The following REXO5 variants were observed in gnomAD, a reference collection of about 807,000 sequenced individuals.
REXO5 encodes exonuclease NEF-sp.
A neutral mutation model predicts 88.5 loss-of-function variants in REXO5; 48 were observed. The ratio of observed to expected loss-of-function variants is 0.54; its 90% CI spans 0.43 to 0.69. The LOEUF (loss-of-function observed/expected upper bound fraction) is 0.69. REXO5 is among the 30% of genes least tolerant of loss of function. REXO5 has a pLI of 0.00. For missense variants in REXO5, 749 were observed against 912.2 expected, an observed-to-expected ratio of 0.82 and a Z score of 2.30; for synonymous variants, 311 against 336.5, an observed-to-expected ratio of 0.92 and a Z score of 0.83.
In REXO5 at chr16:20,824,475, G is replaced by A. The variant is rs781706789; in HGVS notation, c.653G>A (p.Cys218Tyr). The change falls in exon 7 of 20, where the codon TGT becomes TAT. Residue 218 changes from cysteine to tyrosine, a missense_variant. By Grantham distance (194) the Cys-to-Tyr change is radical (BLOSUM62 -2). Transcript: ENST00000261377. ...TGTGAAAACTTTTTACTTACCAAAT[G>A]TAATGGTTCTATAGCAGACAATAGT... is the stretch of plus-strand genomic sequence containing the variant. The part of the protein sequence containing the change: ...PDCENFLLTK[C>Y]NGSIADNSPL... 2.5e-6 allele frequency: 4 copies of A among 1,611,288 alleles called. No individual in the cohort carries two copies. The highest frequency in any genetic ancestry group is 2.2e-5 in the East Asian group (1 of 44,822).
chr16:20,831,735 T>C (rs2081347903), intron 11 of REXO5, among the ~76,000 whole-genome samples: 1 of 152,050 alleles, frequency 6.6e-6, no homozygotes, highest in South Asian at 2.1e-4. Context: ...ATAAATAGTC[T>C]TTTTAAAAAA....
Position 20,844,644 on chromosome 16 carries a change from A to G in REXO5, c.1735A>G (p.Thr579Ala), listed in dbSNP as rs1411885607. The change falls in exon 17 of 20, where the codon ACA becomes GCA. Residue 579 changes from threonine (T) to alanine (A), a missense_variant. Thr to Ala is a moderately conservative substitution (Grantham distance 58, BLOSUM62 0). Transcript: ENST00000261377. ...CCTTGGTTAGGTGCAGAGGCCTGTG[A>G]CAGAGCTCACGCTTGATTGTGACAC... ...GICIKVQRPVTELTLDCDTLV... is the reference protein window; with the variant it reads ...GICIKVQRPVAELTLDCDTLV... 1 of 1,614,170 alleles carries G rather than the reference A, an allele frequency of 6.2e-7. No homozygotes were observed. The highest frequency in any genetic ancestry group is 8.5e-7 in the Non-Finnish European group (1 of 1,180,030).
At chr16:20,808,252 GATTATCCC>G (rs1473263262) in intron 2 of REXO5, among the ~76,000 whole-genome samples, 1 of 152,202 alleles carries the variant, frequency 6.6e-6, no homozygotes, top group Non-Finnish European at 1.5e-5. Flanking sequence ...TAAAAAGGCT[GATTATCCC>G]TATCATCCTT....
chr16:20,806,897 G>GC, intron 1 of REXO5, 55 bp from the exon 2 acceptor site: 1 of 1,531,428 alleles, frequency 6.5e-7, no homozygotes. Context: ...GAGGCGGCAC[G>GC]CGGGGGAATA....
At chr16:20,824,554 T>G (rs1394505497) in intron 7 of REXO5, 27 bp downstream of exon 7, 3 of 1,401,066 alleles carry the variant, frequency 2.1e-6, no homozygotes, top group East Asian at 2.3e-5. Context: ...ATTTTTCAAT[T>G]GGAGTGTTGC....
chr16:20,825,701 A>G (rs1017483950), intron 7 of REXO5, 132 bp from the exon 8 acceptor site: 11 of 634,958 alleles, frequency 1.7e-5, no homozygotes, highest in Admixed American at 2.8e-5. Context: ...TAGATCCTCT[A>G]GAAAGCAAGT....
At chr16:20,841,558 T>TAAGTGC (rs1447318635) in intron 15 of REXO5, among the ~76,000 whole-genome samples, 1 of 152,236 alleles carries the variant, frequency 6.6e-6, no homozygotes, top group Non-Finnish European at 1.5e-5. Context: ...TAAAGTGATC[T>TAAGTGC]AAGTGCAGGA....
rs957918474 is a variant in REXO5, at chr16:20,821,831, C to G, written c.545C>G (p.Ser182Cys). The G allele has an allele frequency of 1.3e-5, 21 of 1,608,080 alleles. No individual in the cohort carries two copies. The highest frequency in any genetic ancestry group is 1.4e-5 in the Non-Finnish European group (17 of 1,178,276). Residue 182 changes from serine (S) to cysteine (C), a missense_variant, in exon 6 of 20, where the codon TCT becomes TGT. Transcript: ENST00000261377. ...GATCCCATCATTCAAAAGTATGGCT[C>G]TAAGAAAGTGGGCTTGACCAGATGC... ...QDDPIIQKYG[S>C]KKVGLTRCLL... is the part of the protein sequence containing the mutation.
intron 5 of REXO5, among the ~76,000 whole-genome samples, chr16:20,819,481 C>T (rs1463361189): frequency 5.9e-5 from 8 of 135,130 alleles, no homozygotes; most frequent in East Asian, 2.1e-4. Context: ...TTAGGCTGGG[C>T]GCAGTGGCTC....
rs1244388560 is a variant in REXO5 at position 20,814,967 on chromosome 16, G to C, written c.292G>C (p.Val98Leu). Residue 98 changes from valine (V) to leucine (L), a missense_variant, in exon 4 of 20, where the codon GTG (valine) becomes CTG (leucine). Transcript: ENST00000261377. ...TCATCAAAACCACCTAAACAACGTA[G>C]TGGTTTTTGTTCTGCAGGGAATGAG... The part of the protein sequence containing the change: ...LFHQNHLNNV[V>L]VFVLQGMSQL... 6.2e-7 allele frequency: 1 copy of C among 1,613,648 alleles called. No individual in the cohort carries two copies. Among genetic ancestry groups the C allele is most frequent in the Admixed American group, 1.7e-5 (1 of 59,946 alleles).
chr16:20,821,808 T>C lies in REXO5; in HGVS notation c.522T>C (p.Asp174=), dbSNP rs2081189841. 6.2e-7 allele frequency: 1 copy of C among 1,607,548 alleles called. No individual in the cohort carries two copies. The highest frequency in any genetic ancestry group is 1.1e-5 in the South Asian group (1 of 89,640). ...NAKAAINLQD[D]PIIQKYGSKK... Reference sequence around the variant, plus strand: ...AAGCCGCCATCAACCTTCAGGATGATCCCATCATTCAAAAGTATGGCTCTA... The same window carrying C: ...AAGCCGCCATCAACCTTCAGGATGACCCCATCATTCAAAAGTATGGCTCTA... Residue 174 remains aspartate (D), a synonymous_variant, in exon 6 of 20, where the codon GAT becomes GAC. Coordinates refer to ENST00000261377, the MANE Select transcript of REXO5 (RefSeq NM_030941.3).
At chr16:20,827,711 A>G (rs1023333254) in intron 10 of REXO5, among the ~76,000 whole-genome samples, 2 of 152,236 alleles carry the variant, frequency 1.3e-5, no homozygotes, top group East Asian at 1.9e-4. Flanking sequence ...CTATATGCCT[A>G]TACAAGGTAG....
rs768829370 is a variant in REXO5, at chr16:20,827,200, A to G, written c.960+4A>G. 2.5e-6 allele frequency: 4 copies of G among 1,614,082 alleles called. No homozygotes were observed. The Admixed American group carries it at 5.0e-5, about 20-fold the overall frequency. ...TTTGGATCTCAGAGCACTGAAAGTG[A>G]GTATCTGATTTAGGACTTTGCATTT... On this transcript the variant is annotated splice_donor_region_variant and intron_variant, in intron 9 of 19. Coordinates refer to ENST00000261377, the MANE Select transcript of REXO5 (RefSeq NM_030941.3).
rs540524932 is a variant in REXO5, at chr16:20,818,478, C to T, written c.475+2266C>T. ...TATCTTAATTCAGATGCTGTAACAACTTCTTTTTGAAACAGAGTCTCGCTC... is the reference window on the plus strand; with the variant it reads ...TATCTTAATTCAGATGCTGTAACAATTTCTTTTTGAAACAGAGTCTCGCTC... On this transcript the variant is annotated intron_variant, in intron 5 of 19. Coordinates refer to ENST00000261377, the MANE Select transcript of REXO5 (RefSeq NM_030941.3). Among the ~76,000 whole-genome samples, 204 of 152,192 alleles carry T rather than the reference C, an allele frequency of 1.3e-3. 1 individual carries two copies. The highest frequency in any genetic ancestry group is 4.7e-3 in the African/African-American group (196 of 41,526).
At position 20,846,575 on chromosome 16, in the gene REXO5, A is replaced by G. The variant is rs149101380; in HGVS notation, c.2243+236A>G. ...TAATTTATCCCCAGTTAAAACCAGG[A>G]GTCTTATGTCCTTACTGCTCTCTGG... On this transcript the variant is annotated intron_variant, in intron 19 of 19. Transcript: ENST00000261377. 1.3e-3 allele frequency among the ~76,000 whole-genome samples: 205 copies of G among 152,334 alleles called. 1 individual carries two copies. The highest frequency in any genetic ancestry group is 4.7e-3 in the African/African-American group (197 of 41,570).
intron 7 of REXO5, among the ~76,000 whole-genome samples, chr16:20,824,898 A>G (rs2081237847): frequency 1.3e-5 from 2 of 151,952 alleles, no homozygotes; most frequent in Non-Finnish European, 2.9e-5. Flanking sequence ...AGTCCCAGGT[A>G]CTCGGGAGGC....
At chr16:20,828,842 G>A (rs776266022) in intron 11 of REXO5, among the ~76,000 whole-genome samples, 2 of 151,742 alleles carry the variant, frequency 1.3e-5, no homozygotes, top group Non-Finnish European at 2.9e-5. Flanking sequence ...CAGGAGAATC[G>A]CTTGAACCAG....
chr16:20,824,901 C>T (rs928679059), intron 7 of REXO5, among the ~76,000 whole-genome samples: 7 of 151,752 alleles, frequency 4.6e-5, no homozygotes, highest in Non-Finnish European at 8.8e-5. Flanking sequence ...CCCAGGTACT[C>T]GGGAGGCTGA....
chr16:20,807,154 A>G (rs1053506633), intron 2 of REXO5, 63 bp downstream of exon 2: 13 of 1,534,988 alleles, frequency 8.5e-6, no homozygotes, highest in Non-Finnish European at 1.8e-6. Flanking sequence ...ACCCTCGCCC[A>G]ACCGCCGTCG....
Sources: allele counts gnomAD v4.1 joint callset (sites outside exome capture counted in the v4.1 genomes callset), GRCh38; gene constraint gnomAD v4.1.1; transcripts MANE v1.5; gene names NCBI Gene and HGNC (gene_info 2026-07-23, HGNC 2026-07-21).